ZNF765: variants seen among roughly 807,000 people sequenced by gnomAD.
The protein encoded by ZNF765 is zinc finger protein 765.
In ZNF765, 37 loss-of-function variants were observed where a neutral mutation model predicts 44.7. That is an observed-to-expected ratio of 0.83 (90% CI 0.64 to 1.09). The LOEUF is 1.09. Ranked by LOEUF, ZNF765 falls within the 50% of genes least tolerant of loss-of-function variation. The probability of loss-of-function intolerance (pLI) is 0.00; values close to 1 mark genes in which losing one functional copy is unlikely to be tolerated. For synonymous variants in ZNF765, 201 were observed against 213.7 expected, an observed-to-expected ratio of 0.94 and a Z score of 0.52; for missense variants, 594 against 626.1, an observed-to-expected ratio of 0.95 and a Z score of 0.55.
Position 53,409,134 on chromosome 19 carries a change from T to C in ZNF765, c.*7T>C. 6.2e-7 allele frequency: 1 copy of C among 1,605,810 alleles called. No homozygotes were observed. The highest frequency in any genetic ancestry group is 8.5e-7 in the Non-Finnish European group (1 of 1,172,862). On this transcript the variant is annotated 3_prime_UTR_variant, in exon 4 of 4. Transcript: ENST00000396408. ...AGAGAAACTACACGTGTAATGAGTGTGGTAAGACCTTCAATCAGGAGTTAA... is the reference window on the plus strand; with the variant it reads ...AGAGAAACTACACGTGTAATGAGTGCGGTAAGACCTTCAATCAGGAGTTAA...
downstream of ZNF765, among the ~76,000 whole-genome samples, chr19:53,416,138 G>T (rs550927922): frequency 4.6e-5 from 7 of 152,254 alleles, no homozygotes; most frequent in Admixed American, 2.0e-4. Flanking sequence ...ATTTTTAGTA[G>T]AGATGGGGTT....
At chr19:53,406,373 C>T (rs377511418) in intron 3 of ZNF765, among the ~76,000 whole-genome samples, 2 of 151,858 alleles carry the variant, frequency 1.3e-5, no homozygotes, top group African/African-American at 4.8e-5. Context: ...TTTTTTTGAC[C>T]TCATAAGTCA....
chr19:53,403,476 G>T (rs1850660796), intron 3 of ZNF765, among the ~76,000 whole-genome samples: 1 of 151,600 alleles, frequency 6.6e-6, no homozygotes, highest in South Asian at 2.1e-4. Flanking sequence ...GTTTATGATG[G>T]AGTCTTACTC....
downstream of ZNF765, among the ~76,000 whole-genome samples, chr19:53,415,901 A>G (rs1389829426): frequency 6.6e-6 from 1 of 151,834 alleles, no homozygotes; most frequent in Non-Finnish European, 1.5e-5. Flanking sequence ...TGCTTCAAGG[A>G]CACATAGGAC....
intron 3 of ZNF765, among the ~76,000 whole-genome samples, chr19:53,417,450 G>A (rs1007090430): frequency 2.0e-5 from 3 of 152,156 alleles, no homozygotes; most frequent in Non-Finnish European, 4.4e-5. Context: ...CCCTGCAAAG[G>A]ACATGATCTC....
At chr19:53,419,125 ATTT>A (rs1040859067) in intron 3 of ZNF765, among the ~76,000 whole-genome samples, 1 of 152,020 alleles carries the variant, frequency 6.6e-6, no homozygotes, top group Admixed American at 6.6e-5. Flanking sequence ...AATAATAATG[ATTT>A]TTTTGGTGTT....
downstream of ZNF765, among the ~76,000 whole-genome samples, chr19:53,415,290 AAAAG>A (rs1461497992): frequency 4.6e-5 from 7 of 151,940 alleles, no homozygotes; most frequent in African/African-American, 1.2e-4. Flanking sequence ...AAAGAAAAGA[AAAAG>A]AAAAAGAAAA....
downstream of ZNF765, among the ~76,000 whole-genome samples, chr19:53,414,346 A>G (rs2085857192): frequency 6.7e-6 from 1 of 150,006 alleles, no homozygotes; most frequent in Non-Finnish European, 1.5e-5. Context: ...GCAATATGTG[A>G]GTTTCTACTC....
intron 2 of ZNF765, 71 bp from the exon 3 acceptor site, chr19:53,401,994 C>T (rs1268179048): frequency 3.1e-6 from 5 of 1,613,806 alleles, no homozygotes; most frequent in Non-Finnish European, 8.5e-7. Flanking sequence ...TCACCTCTCT[C>T]TTCTTCTCAT....
At position 53,409,713 on chromosome 19, in the gene ZNF765, GT is replaced by G. The variant is rs1338927007; in HGVS notation, c.*587del. 1 of 1,011,854 alleles carries G rather than the reference GT, an allele frequency of 9.9e-7. No individual in the cohort carries two copies. Among genetic ancestry groups the G allele is most frequent in the Non-Finnish European group, 1.6e-6 (1 of 641,358 alleles). 62.7% of individuals were successfully genotyped at this position (1,011,854 alleles called of 1,614,324 possible). Reference sequence around the variant, plus strand: ...AGGATACCTTACAAATGTAATGAGTGTGGCAAGACCTTTAGTCAGAACTCAT... The same window carrying G: ...AGGATACCTTACAAATGTAATGAGTGGGCAAGACCTTTAGTCAGAACTCAT... On this transcript the variant is annotated 3_prime_UTR_variant, in exon 4 of 4. Transcript: ENST00000396408.
intron 3 of ZNF765, among the ~76,000 whole-genome samples, chr19:53,418,329 A>G (rs1463634598): frequency 2.6e-5 from 4 of 151,860 alleles, no homozygotes; most frequent in African/African-American, 9.7e-5. Context: ...ACAGAGTGAG[A>G]CTCCATCTCT....
intron 3 of ZNF765, among the ~76,000 whole-genome samples, chr19:53,404,410 A>G (rs2085756371): frequency 6.6e-6 from 1 of 151,558 alleles, no homozygotes; most frequent in Admixed American, 6.6e-5. Context: ...AGAACTTTAT[A>G]TATATTTGTG....
intron 3 of ZNF765, among the ~76,000 whole-genome samples, chr19:53,419,668 GA>G (rs2085895925): frequency 6.6e-6 from 1 of 152,120 alleles, no homozygotes; most frequent in African/African-American, 2.4e-5. Flanking sequence ...AATGTATACA[GA>G]GATCAAAACA....
chr19:53,410,506 C>T lies in ZNF765; in HGVS notation c.*1379C>T, dbSNP rs949428463. ...GAATTCACATTGGAGAGAAAGCTTA[C>T]AAGTATAATGAATGTGACAGGTCTT... On this transcript the variant is annotated 3_prime_UTR_variant, in exon 4 of 4. Transcript: ENST00000396408. 2 of 393,806 alleles carry T rather than the reference C, an allele frequency of 5.1e-6. No individual in the cohort carries two copies. Among genetic ancestry groups the T allele is most frequent in the Non-Finnish European group, 1.0e-5 (2 of 196,152 alleles). 24.4% of individuals were successfully genotyped at this position (393,806 alleles called of 1,614,324 possible).
intron 3 of ZNF765, among the ~76,000 whole-genome samples, chr19:53,403,918 T>C (rs79492433): frequency 0.017 from 2,593 of 152,304 alleles, 75 homozygotes; most frequent in African/African-American, 0.059. Context: ...TCTGTATTTA[T>C]GTCAGAATTA....
At chr19:53,405,764 AGGCTGCATCATAT>A (rs940854396) in intron 3 of ZNF765, among the ~76,000 whole-genome samples, 24 of 151,558 alleles carry the variant, frequency 1.6e-4, no homozygotes, top group African/African-American at 5.8e-4. Context: ...CAGACCAGGG[AGGCTGCATCATAT>A]TGTTTGTGTT....
At chr19:53,395,368 C>G (rs373415572) in intron 1 of ZNF765, among the ~76,000 whole-genome samples, 175 bp downstream of exon 1, 24 of 152,346 alleles carry the variant, frequency 1.6e-4, no homozygotes, top group African/African-American at 5.5e-4. Flanking sequence ...GTTTAAGGTC[C>G]CCCTGAGGCT....
chr19:53,404,140 C>T (rs1326817284), intron 3 of ZNF765, among the ~76,000 whole-genome samples: 2 of 152,228 alleles, frequency 1.3e-5, no homozygotes, highest in Admixed American at 6.5e-5. Context: ...TGCAATGGCA[C>T]AATCTCGGGT....
chr19:53,413,164 G>C (rs186269585), downstream of ZNF765: 74 of 565,692 alleles, frequency 1.3e-4, no homozygotes, highest in East Asian at 3.3e-3. Context: ...TCCCCTTGTG[G>C]TGTGTACTTG....
Sources: gnomAD v4.1 joint callset for allele counts (sites outside exome capture counted in the v4.1 genomes callset) on GRCh38, gnomAD v4.1.1 for gene constraint, MANE v1.5 for transcripts, NCBI Gene and HGNC (gene_info 2026-07-23, HGNC 2026-07-21) for gene names.